The following ATAD2B variants were observed in gnomAD, a reference collection of about 807,000 sequenced individuals.
The protein encoded by ATAD2B is ATPase family AAA domain-containing protein 2B.
In ATAD2B, 40 loss-of-function variants were observed where a neutral mutation model predicts 167.6. The ratio of observed to expected loss-of-function variants is 0.24; its 90% CI spans 0.19 to 0.31. The LOEUF (loss-of-function observed/expected upper bound fraction) is 0.31. Among genes scored for constraint, ATAD2B ranks in the 10% least tolerant of loss-of-function variants. The pLI, the probability that ATAD2B is intolerant of heterozygous loss-of-function variation, is 1.00. For synonymous variants in ATAD2B, 579 were observed against 596.5 expected (o/e 0.97, Z 0.43); for missense variants, 1,242 against 1,757.2 (o/e 0.71, Z 5.24).
intron 12 of ATAD2B, among the ~76,000 whole-genome samples, chr2:23,860,869 A>T (rs1366696987): frequency 6.6e-6 from 1 of 152,098 alleles, no homozygotes; most frequent in East Asian, 1.9e-4. Context: ...TACTTGGGAG[A>T]CTAAGGCAGG....
intron 1 of ATAD2B, among the ~76,000 whole-genome samples, chr2:23,921,205 C>CAAAAAAA (rs61004964): frequency 9.9e-4 from 32 of 32,182 alleles, no homozygotes; most frequent in East Asian, 1.3e-3. Context: ...GACTCCATCT[C>CAAAAAAA]AAAAAAAAAA....
In ATAD2B at chr2:23,786,206, C is replaced by T; in HGVS notation, c.2794G>A (p.Val932Met). ...RKHAALCAME[V>M]LPLALPSPPR... ...GGAGAAGGTAGTGCAAGAGGAAGCACTTCCATAGCACAAAGAGCTAGAGAA... is the reference window on the plus strand; with the variant it reads ...GGAGAAGGTAGTGCAAGAGGAAGCATTTCCATAGCACAAAGAGCTAGAGAA... The change falls in exon 21 of 28, where the codon GTG becomes ATG. Residue 932 changes from valine to methionine, a missense_variant. Physicochemically the swap from Val to Met is conservative, Grantham distance 21. Around this residue, in one of 9 missense-constraint regions of ATAD2B, gnomAD observed 204 missense variants for 324.0 expected, o/e 0.63. Coordinates refer to ENST00000238789, the MANE Select transcript of ATAD2B (RefSeq NM_017552.4). 3 of 1,580,788 alleles carry T rather than the reference C, an allele frequency of 1.9e-6. No individual in the cohort carries two copies. Among genetic ancestry groups the T allele is most frequent in the East Asian group, 4.6e-5 (2 of 43,488 alleles).
At chr2:23,911,789 A>C (rs1223829242) in intron 1 of ATAD2B, among the ~76,000 whole-genome samples, 5 of 152,086 alleles carry the variant, frequency 3.3e-5, no homozygotes, top group African/African-American at 9.7e-5. Flanking sequence ...AGCCTGGCCA[A>C]CATGGTGAAA....
the ATAD2B span, among the ~76,000 whole-genome samples, chr2:23,720,535 C>A: frequency 7.3e-6 from 1 of 136,278 alleles, no homozygotes; most frequent in Non-Finnish European, 1.6e-5. Context: ...TAAGAGATTG[C>A]GCCACTGCAC....
chr2:23,729,478 C>T, the ATAD2B span, among the ~76,000 whole-genome samples: 58 of 152,180 alleles, frequency 3.8e-4, no homozygotes, highest in African/African-American at 1.4e-3. Flanking sequence ...TTAATAATTC[C>T]CTTTTGTTCC....
At chr2:23,876,054 C>T (rs564959460) in intron 7 of ATAD2B, 150 bp from the exon 8 acceptor site, 4 of 608,436 alleles carry the variant, frequency 6.6e-6, no homozygotes, top group East Asian at 6.1e-5. Flanking sequence ...AATGCAGTGG[C>T]GCGATCTCGG....
chr2:23,793,844 T>C (rs1188037707), intron 19 of ATAD2B, among the ~76,000 whole-genome samples: 1 of 152,196 alleles, frequency 6.6e-6, no homozygotes, highest in Non-Finnish European at 1.5e-5. Flanking sequence ...AAAAAAGCTT[T>C]TATGTATGTG....
intron 19 of ATAD2B, among the ~76,000 whole-genome samples, chr2:23,789,740 C>T (rs527797866): frequency 6.6e-6 from 1 of 152,072 alleles, no homozygotes; most frequent in Non-Finnish European, 1.5e-5. Flanking sequence ...ATGAAATGAA[C>T]CCTTAAAAAT....
the ATAD2B span, among the ~76,000 whole-genome samples, chr2:23,739,407 C>T: frequency 1.3e-5 from 2 of 152,022 alleles, no homozygotes; most frequent in Non-Finnish European, 2.9e-5. Context: ...CACTCAAAAC[C>T]ACTCAACTAC....
intron 12 of ATAD2B, among the ~76,000 whole-genome samples, chr2:23,858,803 G>A (rs988183198): frequency 1.3e-5 from 2 of 152,110 alleles, no homozygotes; most frequent in Non-Finnish European, 2.9e-5. Flanking sequence ...GTTTTCAACA[G>A]CTATATGATG....
chr2:23,762,491 CTTTTG>C (rs1676877791), intron 23 of ATAD2B, 145 bp from the exon 24 acceptor site: 1 of 711,044 alleles, frequency 1.4e-6, no homozygotes. Flanking sequence ...AAAGCAGTGT[CTTTTG>C]TTTTAAGATG....
At chr2:23,805,143 CAAA>C (rs574560679) in intron 18 of ATAD2B, among the ~76,000 whole-genome samples, 3 of 113,970 alleles carry the variant, frequency 2.6e-5, no homozygotes. Flanking sequence ...AACCCTGTCT[CAAA>C]AAAAAAAAAA....
At chr2:23,725,187 T>C in the ATAD2B span, among the ~76,000 whole-genome samples, 4 of 152,102 alleles carry the variant, frequency 2.6e-5, no homozygotes, top group South Asian at 4.1e-4. Flanking sequence ...AAGGGCAGAA[T>C]TGTCAACCCA....
At chr2:23,921,977 A>C (rs1035281543) in intron 1 of ATAD2B, among the ~76,000 whole-genome samples, 1 of 152,182 alleles carries the variant, frequency 6.6e-6, no homozygotes, top group Non-Finnish European at 1.5e-5. Context: ...TGGCAAACGC[A>C]TGAGTGTTAG....
the ATAD2B span, among the ~76,000 whole-genome samples, chr2:23,702,256 C>T: frequency 6.6e-6 from 1 of 152,162 alleles, no homozygotes; most frequent in East Asian, 1.9e-4. Flanking sequence ...GCATTTAATA[C>T]ACCTGCCCTA....
intron 27 of ATAD2B, among the ~76,000 whole-genome samples, chr2:23,753,751 G>C (rs898835762): frequency 6.6e-6 from 1 of 152,050 alleles, no homozygotes; most frequent in Admixed American, 6.6e-5. Flanking sequence ...ATGGCAAATA[G>C]GTCTCACTAC....
At chr2:23,788,792 T>A in intron 19 of ATAD2B, 145 bp from the exon 20 acceptor site, 1 of 694,652 alleles carries the variant, frequency 1.4e-6, no homozygotes, top group Non-Finnish European at 2.3e-6. Flanking sequence ...AACCTAGTCC[T>A]AGGCTATGCT....
chr2:23,872,592 G>A lies in ATAD2B; in HGVS notation c.978-2831C>T, dbSNP rs551948218. 23 of 1,275,822 alleles carry A rather than the reference G, an allele frequency of 1.8e-5. 1 individual carries two copies. The South Asian group carries it at 2.0e-4, about 11-fold the overall frequency. 79.0% of individuals were successfully genotyped at this position (1,275,822 alleles called of 1,614,324 possible). ...TCCTCCGTGAGGTCTGCATGCCTGC[G>A]ATCCTTACTAATGTTGCTGTAGAAA... is the stretch of plus-strand genomic sequence containing the variant. On this transcript the variant is annotated intron_variant, in intron 8 of 27. Coordinates refer to ENST00000238789, the MANE Select transcript of ATAD2B (RefSeq NM_017552.4).
chr2:23,721,980 A>T, the ATAD2B span, among the ~76,000 whole-genome samples: 1 of 152,266 alleles, frequency 6.6e-6, no homozygotes, highest in Non-Finnish European at 1.5e-5. Flanking sequence ...AAATTTGCAA[A>T]CACCACTAGT....
Sources: allele counts gnomAD v4.1 joint callset (sites outside exome capture counted in the v4.1 genomes callset), GRCh38; gene constraint gnomAD v4.1.1; regional missense constraint gnomAD v4.1.1; transcripts MANE v1.5; gene names NCBI Gene and HGNC (gene_info 2026-07-23, HGNC 2026-07-21).